Variants in FER observed in about 807,000 individuals in gnomAD.
FER encodes the protein tyrosine-protein kinase Fer.
FER carries 63 observed loss-of-function variants against 111.0 expected under a neutral mutation model. That is an observed-to-expected ratio of 0.57 (90% CI 0.46 to 0.70). FER has a LOEUF of 0.70. Ranked by LOEUF, FER falls within the 30% of genes least tolerant of loss-of-function variation. The pLI, the probability that FER is intolerant of heterozygous loss-of-function variation, is 0.00. For missense variants in FER, 914 were observed against 954.0 expected (o/e 0.96, Z 0.55); for synonymous variants, 327 against 313.9 (o/e 1.04, Z -0.44).
At chr5:109,154,465 G>C (rs531215861) in intron 17 of FER, among the ~76,000 whole-genome samples, 1 of 151,860 alleles carries the variant, frequency 6.6e-6, no homozygotes, top group East Asian at 1.9e-4. Context: ...CTTTTTTATA[G>C]AGAGTAAAAA....
intron 16 of FER, among the ~76,000 whole-genome samples, chr5:109,060,879 AG>A (rs1774332140): frequency 8.6e-5 from 13 of 151,972 alleles, no homozygotes; most frequent in Admixed American, 6.6e-4. Flanking sequence ...CATCATCATC[AG>A]TATCATTATA....
At chr5:108,866,247 A>G (rs899324462) in intron 5 of FER, among the ~76,000 whole-genome samples, 1 of 152,204 alleles carries the variant, frequency 6.6e-6, no homozygotes, top group Non-Finnish European at 1.5e-5. Context: ...ATGGAATACT[A>G]TGCAGCCATA....
At chr5:109,111,068 T>C (rs182155892) in intron 17 of FER, among the ~76,000 whole-genome samples, 52 of 152,294 alleles carry the variant, frequency 3.4e-4, no homozygotes, top group East Asian at 1.5e-3. Context: ...ATTGGACATA[T>C]GTTTCCCAAA....
In FER at chr5:108,867,850, T is replaced by C. The variant is rs149637747; in HGVS notation, c.565T>C (p.Leu189=). 70 of 1,613,354 alleles carry C rather than the reference T, an allele frequency of 4.3e-5. No homozygotes were observed. The African/African-American group carries it at 8.1e-4, about 19-fold the overall frequency. The part of the protein sequence containing the change: ...HMLHNQYVLA[L]KGAQLHQNQY... ...GTTGCACAATCAGTATGTATTGGCG[T>C]TGAAAGGGGCACAGCTCCATCAGAA... is the stretch of plus-strand genomic sequence containing the variant. The change falls in exon 6 of 20, where the codon TTG becomes CTG. Residue 189 remains leucine (L), a synonymous_variant. Coordinates refer to ENST00000281092, the MANE Select transcript of FER (RefSeq NM_005246.4).
chr5:109,076,987 C>A (rs1776419262), intron 16 of FER, among the ~76,000 whole-genome samples: 1 of 152,176 alleles, frequency 6.6e-6, no homozygotes, highest in Admixed American at 6.5e-5. Flanking sequence ...ACTTATTTAT[C>A]ACAGAGAGCC....
intron 11 of FER, among the ~76,000 whole-genome samples, chr5:108,950,296 G>T (rs1171322970): frequency 2.0e-5 from 3 of 152,086 alleles, no homozygotes; most frequent in Non-Finnish European, 4.4e-5. Context: ...CTATCCTAGA[G>T]AACAGTTTTA....
intron 3 of FER, among the ~76,000 whole-genome samples, chr5:108,812,113 G>A (rs1487074403): frequency 6.6e-6 from 1 of 152,160 alleles, no homozygotes; most frequent in Non-Finnish European, 1.5e-5. Context: ...AGTTGAGAGA[G>A]GGATGCTGAA....
At chr5:109,097,476 T>G (rs1747685550) in intron 16 of FER, among the ~76,000 whole-genome samples, 1 of 151,954 alleles carries the variant, frequency 6.6e-6, no homozygotes, top group Non-Finnish European at 1.5e-5. Context: ...CTGTATGCTA[T>G]ATGTATCCAT....
In FER at chr5:109,018,205, C is replaced by T. The variant is rs140009925; in HGVS notation, c.1657-19217C>T. 4.0e-5 allele frequency among the ~76,000 whole-genome samples: 6 copies of T among 151,762 alleles called. No individual in the cohort carries two copies. In the East Asian group the frequency reaches 1.2e-3, roughly 29 times the overall value. On this transcript the variant is annotated intron_variant, in intron 13 of 19. Transcript: ENST00000281092. ...ACAGGCTGAAATAATTTTAAAAGTC[C>T]ACAAATTTTCCATGAAAATTGCTTA...
intron 13 of FER, among the ~76,000 whole-genome samples, chr5:109,024,004 A>G (rs1333754634): frequency 6.6e-6 from 1 of 152,072 alleles, no homozygotes; most frequent in Non-Finnish European, 1.5e-5. Context: ...AATATTTAGA[A>G]CCACCCTATA....
intron 14 of FER, among the ~76,000 whole-genome samples, chr5:109,038,267 T>C (rs1438479605): frequency 6.6e-6 from 1 of 151,934 alleles, no homozygotes; most frequent in Non-Finnish European, 1.5e-5. Flanking sequence ...AAAATGTGAA[T>C]TCATTTTAGC....
chr5:109,006,823 T>A lies in FER; in HGVS notation c.1657-30599T>A, dbSNP rs376201312. 3.9e-5 allele frequency among the ~76,000 whole-genome samples: 6 copies of A among 151,950 alleles called. No homozygotes were observed. The East Asian group carries it at 9.7e-4, about 25-fold the overall frequency. ...TAAAGTGAATGTGATGCTCATATGGTGGGGGGAAAAAAAATCTTACCTGCC... is the reference window on the plus strand; with the variant it reads ...TAAAGTGAATGTGATGCTCATATGGAGGGGGGAAAAAAAATCTTACCTGCC... On this transcript the variant is annotated intron_variant, in intron 13 of 19. Transcript: ENST00000281092.
intron 12 of FER, among the ~76,000 whole-genome samples, chr5:108,956,425 A>G (rs968474100): frequency 1.3e-5 from 2 of 151,792 alleles, no homozygotes; most frequent in Admixed American, 6.6e-5. Flanking sequence ...TTGTCTTATT[A>G]TCACTTCTAG....
chr5:108,796,352 A>C (rs1756017348), intron 2 of FER, among the ~76,000 whole-genome samples: 1 of 152,168 alleles, frequency 6.6e-6, no homozygotes, highest in Non-Finnish European at 1.5e-5. Flanking sequence ...GGTCATGCCC[A>C]AGGCCCACTG....
At position 108,948,862 on chromosome 5, in the gene FER, T is replaced by C. The variant is rs190818483; in HGVS notation, c.1329+2640T>C. Among the ~76,000 whole-genome samples, 69 of 152,228 alleles carry C rather than the reference T, an allele frequency of 4.5e-4. 1 individual carries two copies. The East Asian group carries it at 0.012, about 26-fold the overall frequency. ...GATAGTAGCAGTCTTTGAAAAATAT[T>C]CTTTAAAACAAAAATAAAGCACATT... On this transcript the variant is annotated intron_variant, in intron 11 of 19. Coordinates refer to ENST00000281092, the MANE Select transcript of FER (RefSeq NM_005246.4).
At chr5:108,839,941 A>T (rs983057701) in intron 5 of FER, among the ~76,000 whole-genome samples, 6 of 152,110 alleles carry the variant, frequency 3.9e-5, no homozygotes, top group Non-Finnish European at 8.8e-5. Flanking sequence ...TAATTTACAC[A>T]GGTTGAAAAA....
intron 17 of FER, among the ~76,000 whole-genome samples, chr5:109,114,056 TGACA>T (rs1749945826): frequency 6.6e-6 from 1 of 152,126 alleles, no homozygotes; most frequent in Non-Finnish European, 1.5e-5. Flanking sequence ...GGTGCTAAAG[TGACA>T]TTCTTAGAAT....
chr5:108,866,037 A>C, intron 5 of FER, among the ~76,000 whole-genome samples: 1 of 152,230 alleles, frequency 6.6e-6, no homozygotes. Flanking sequence ...GTGATTCTTC[A>C]GGGATCTGGA....
chr5:108,799,626 A>G (rs1436988887), intron 3 of FER, among the ~76,000 whole-genome samples: 1 of 152,202 alleles, frequency 6.6e-6, no homozygotes, highest in East Asian at 1.9e-4. Context: ...TTTGTTATTT[A>G]TCTGAAATTC....
Sources: gnomAD v4.1 joint callset for allele counts (sites outside exome capture counted in the v4.1 genomes callset) on GRCh38, gnomAD v4.1.1 for gene constraint, MANE v1.5 for transcripts, NCBI Gene and HGNC (gene_info 2026-07-23, HGNC 2026-07-21) for gene names.